The following VWF variants were observed in gnomAD, a reference collection of about 807,000 sequenced individuals.
VWF encodes the protein von Willebrand factor.
In VWF, 176 loss-of-function variants were observed where a neutral mutation model predicts 308.6. The observed-to-expected ratio is 0.57, with a 90% CI of 0.50 to 0.65. The LOEUF (loss-of-function observed/expected upper bound fraction) is 0.65. Among genes scored for constraint, VWF ranks in the 30% least tolerant of loss-of-function variants. VWF has a pLI of 0.00. For missense variants in VWF, 3,146 were observed against 3,648.2 expected, an observed-to-expected ratio of 0.86 and a Z score of 3.55; for synonymous variants, 1,385 against 1,443.4, an observed-to-expected ratio of 0.96 and a Z score of 0.92.
chr12:6,092,554 T>C (rs1016885351), intron 6 of VWF, among the ~76,000 whole-genome samples: 3 of 148,082 alleles, frequency 2.0e-5, no homozygotes, highest in Non-Finnish European at 4.5e-5. Flanking sequence ...TGTGCCACCA[T>C]GCCCAGCTAG....
intron 47 of VWF, among the ~76,000 whole-genome samples, chr12:5,958,618 A>T (rs1943276894): frequency 6.6e-6 from 1 of 152,036 alleles, no homozygotes; most frequent in Admixed American, 6.5e-5. Context: ...GAGCCCAGGA[A>T]GTCAAGGCTG....
rs533910174 is a variant in VWF at position 6,118,686 on chromosome 12, C to CA, written c.220+2487dup. 8.9e-4 allele frequency among the ~76,000 whole-genome samples: 135 copies of CA among 152,252 alleles called. 1 individual carries two copies. Among genetic ancestry groups the CA allele is most frequent in the African/African-American group, 2.9e-3 (121 of 41,548 alleles). ...GCAAGCATGAGCCATTGCACCCGTG[C>CA]ACCCGGCCTCTTCCGGTCACTTCTA... On this transcript the variant is annotated intron_variant, in intron 3 of 51. Transcript: ENST00000261405.
intron 6 of VWF, among the ~76,000 whole-genome samples, chr12:6,082,298 C>T (rs1306011239): frequency 6.6e-6 from 1 of 152,132 alleles, no homozygotes; most frequent in Non-Finnish European, 1.5e-5. Flanking sequence ...ATATGATGAG[C>T]TTGTTATTTT....
chr12:6,087,549 T>C (rs1467151920), intron 6 of VWF, among the ~76,000 whole-genome samples: 1 of 145,666 alleles, frequency 6.9e-6, no homozygotes, highest in African/African-American at 2.6e-5. Flanking sequence ...GTATTGTTAG[T>C]AGAGACGGGG....
At chr12:6,106,148 G>A (rs972102620) in intron 5 of VWF, among the ~76,000 whole-genome samples, 1 of 152,218 alleles carries the variant, frequency 6.6e-6, no homozygotes, top group African/African-American at 2.4e-5. Flanking sequence ...CAATCTAAGT[G>A]TCTACTGATG....
At chr12:6,043,626 G>C (rs949241178) in intron 18 of VWF, among the ~76,000 whole-genome samples, 3 of 152,268 alleles carry the variant, frequency 2.0e-5, no homozygotes, top group African/African-American at 7.2e-5. Flanking sequence ...GAGTAGGCAT[G>C]CTCAGATCAT....
At chr12:6,105,148 AG>A (rs1218472192) in intron 5 of VWF, among the ~76,000 whole-genome samples, 3 of 152,198 alleles carry the variant, frequency 2.0e-5, no homozygotes, top group South Asian at 4.1e-4. Flanking sequence ...ATGGGTACAA[AG>A]TATATTGTAC....
chr12:6,115,467 T>G (rs1945352921), intron 3 of VWF, among the ~76,000 whole-genome samples: 1 of 152,222 alleles, frequency 6.6e-6, no homozygotes, highest in Non-Finnish European at 1.5e-5. Flanking sequence ...AACACAACTT[T>G]ATGACTCAGG....
At position 6,058,114 on chromosome 12, in the gene VWF, G is replaced by C. The variant is rs1944610870; in HGVS notation, c.1534-70C>G. On this transcript the variant is annotated intron_variant, in intron 13 of 51. Coordinates refer to ENST00000261405, the MANE Select transcript of VWF (RefSeq NM_000552.5). This position sits in a 1 kb window ranked among gnomAD's most constrained non-coding sequence, Gnocchi z 4.9. ...AGCGGCATAGTTGTTTAGCTAATGA[G>C]ATGGTTTTAATAAAAAAAAAAAAGT... The C allele has an allele frequency of 6.5e-7, 1 of 1,527,936 alleles. No individual in the cohort carries two copies. The highest frequency in any genetic ancestry group is 2.3e-5 in the East Asian group (1 of 43,904). 94.6% of individuals were successfully genotyped at this position (1,527,936 alleles called of 1,614,324 possible).
chr12:6,058,101 G>T lies in VWF; in HGVS notation c.1534-57C>A, dbSNP rs1944610762. 1 of 1,577,684 alleles carries T rather than the reference G, an allele frequency of 6.3e-7. No individual in the cohort carries two copies. The highest frequency in any genetic ancestry group is 8.7e-7 in the Non-Finnish European group (1 of 1,155,806). The stretch of plus-strand genomic sequence containing the variant: ...CTGCCGCGAAAGCAGCGGCATAGTT[G>T]TTTAGCTAATGAGATGGTTTTAATA... On this transcript the variant is annotated intron_variant, in intron 13 of 51. Coordinates refer to ENST00000261405, the MANE Select transcript of VWF (RefSeq NM_000552.5). The surrounding 1 kb of genome is among the most constrained non-coding windows in gnomAD (Gnocchi z 4.9).
intron 40 of VWF, among the ~76,000 whole-genome samples, chr12:5,984,309 A>C (rs1943652429): frequency 1.3e-5 from 2 of 152,208 alleles, no homozygotes; most frequent in Admixed American, 1.3e-4. Flanking sequence ...CCTCCTTTAC[A>C]TTAATTGTTC....
intron 6 of VWF, among the ~76,000 whole-genome samples, chr12:6,093,436 C>T (rs1945072069): frequency 6.6e-6 from 1 of 152,202 alleles, no homozygotes; most frequent in Admixed American, 6.5e-5. Flanking sequence ...CGCTGAAGCT[C>T]TATCAGTGCT....
intron 5 of VWF, among the ~76,000 whole-genome samples, chr12:6,109,498 A>G (rs774829936): frequency 1.4e-4 from 21 of 152,168 alleles, no homozygotes; most frequent in Non-Finnish European, 2.4e-4. Context: ...GGAAGAGTCA[A>G]TTGTTTCTCT....
In VWF at chr12:6,025,575, C is replaced by T. The variant is rs1399654627; in HGVS notation, c.3222+5G>A. 2 of 1,483,850 alleles carry T rather than the reference C, an allele frequency of 1.3e-6. No homozygotes were observed. Among genetic ancestry groups the T allele is most frequent in the Non-Finnish European group, 1.9e-6 (2 of 1,063,954 alleles). The allele number at this position is 1,483,850 out of a possible 1,614,324, so 91.9% of individuals were successfully genotyped here. A position where few individuals can be genotyped will look rare whatever the true frequency, so the allele number is the denominator to read the frequency against. ...TCTGCTTCCCACTACCCTCAAGGTC[C>T]TCACCAGCTTGTTGCAGTCCTGGAA... On this transcript the variant is annotated splice_donor_5th_base_variant and intron_variant, in intron 24 of 51. Transcript: ENST00000261405.
At chr12:6,042,207 C>T (rs547957882) in intron 18 of VWF, among the ~76,000 whole-genome samples, 4 of 152,156 alleles carry the variant, frequency 2.6e-5, no homozygotes, top group East Asian at 1.9e-4. Flanking sequence ...TTCTGCCCCC[C>T]GCAGATCTGC....
chr12:5,968,234 TGCTCTCTTTGGG>T, intron 45 of VWF, 67 bp from the exon 46 acceptor site: 1 of 1,599,000 alleles, frequency 6.3e-7, no homozygotes, highest in Non-Finnish European at 8.5e-7. Flanking sequence ...GCGAGCAGGC[TGCTCTCTTTGGG>T]GCTCCTCCTC....
chr12:5,953,070 T>A (rs1184001331), intron 48 of VWF, among the ~76,000 whole-genome samples: 1 of 151,932 alleles, frequency 6.6e-6, no homozygotes, highest in Non-Finnish European at 1.5e-5. Context: ...CTACTAAAAC[T>A]ACAAAAATTA....
At position 6,052,605 on chromosome 12, in the gene VWF, G is replaced by T. The variant is rs1257695588; in HGVS notation, c.2124C>A (p.Pro708=). 5 of 1,614,158 alleles carry T rather than the reference G, an allele frequency of 3.1e-6. No individual in the cohort carries two copies. The highest frequency in any genetic ancestry group is 4.2e-6 in the Non-Finnish European group (5 of 1,180,058). Residue 708 remains proline (P), a synonymous_variant, in exon 16 of 52, where the codon CCC becomes CCA. Transcript: ENST00000261405. ...GGAAGATCTCACCGTCATAGTAACA[G>T]GGGCACTGGGCCTTGGGCACGCAGT... The part of the protein sequence containing the change: ...RGDCVPKAQC[P]CYYDGEIFQP...
chr12:6,073,538 C>A, intron 8 of VWF, 81 bp downstream of exon 8: 2 of 1,598,804 alleles, frequency 1.3e-6, no homozygotes, highest in East Asian at 4.5e-5. Context: ...GGAGCAAACA[C>A]AAGTGGCCTT....
Sources: gnomAD v4.1 joint callset for allele counts (sites outside exome capture counted in the v4.1 genomes callset) on GRCh38, gnomAD v4.1.1 for gene constraint, Gnocchi (gnomAD v3.1) non-coding constraint, MANE v1.5 for transcripts, NCBI Gene and HGNC (gene_info 2026-07-23, HGNC 2026-07-21) for gene names.